Variants in ARHGAP12 observed in about 807,000 individuals in gnomAD.
The protein encoded by ARHGAP12 is rho GTPase-activating protein 12.
In ARHGAP12, 64 loss-of-function variants were observed where a neutral mutation model predicts 108.6. The ratio of observed to expected loss-of-function variants is 0.59; its 90% CI spans 0.48 to 0.73. The LOEUF is 0.73. Among genes scored for constraint, ARHGAP12 ranks in the 30% least tolerant of loss-of-function variants. The probability of loss-of-function intolerance (pLI) is 0.00; values close to 1 mark genes in which losing one functional copy is unlikely to be tolerated. For missense variants in ARHGAP12, 940 were observed against 1,005.9 expected, an observed-to-expected ratio of 0.93 and a Z score of 0.89; for synonymous variants, 312 against 337.2, an observed-to-expected ratio of 0.93 and a Z score of 0.82.
intron 3 of ARHGAP12, among the ~76,000 whole-genome samples, chr10:31,869,431 G>A (rs1837455856): frequency 6.6e-6 from 1 of 151,996 alleles, no homozygotes; most frequent in African/African-American, 2.4e-5. Flanking sequence ...CAGTTACTTG[G>A]GAGGCTGAGG....
chr10:31,906,857 A>G (rs1839153198), intron 3 of ARHGAP12, among the ~76,000 whole-genome samples: 1 of 152,124 alleles, frequency 6.6e-6, no homozygotes, highest in Admixed American at 6.6e-5. Context: ...TGTCTTTCCT[A>G]AGGCCCATTA....
chr10:31,866,751 G>A (rs1317633485), intron 3 of ARHGAP12, among the ~76,000 whole-genome samples: 1 of 152,092 alleles, frequency 6.6e-6, no homozygotes, highest in Non-Finnish European at 1.5e-5. Flanking sequence ...GAGTAGCTGG[G>A]ATTATAGGCG....
At chr10:31,891,005 T>G (rs1838404976) in intron 3 of ARHGAP12, among the ~76,000 whole-genome samples, 1 of 152,086 alleles carries the variant, frequency 6.6e-6, no homozygotes, top group Non-Finnish European at 1.5e-5. Context: ...AATAAACACC[T>G]CTATTAGCAG....
chr10:31,839,844 C>T, intron 7 of ARHGAP12, 133 bp from the exon 8 acceptor site: 1 of 539,894 alleles, frequency 1.9e-6, no homozygotes, highest in Non-Finnish European at 3.0e-6. Flanking sequence ...ATATTCAGCT[C>T]CAAGCTAATA....
chr10:31,888,316 A>G (rs907613922), intron 3 of ARHGAP12, among the ~76,000 whole-genome samples: 1 of 152,178 alleles, frequency 6.6e-6, no homozygotes, highest in African/African-American at 2.4e-5. Context: ...GTGGGGTCCA[A>G]TCATGCTCCT....
intron 15 of ARHGAP12, among the ~76,000 whole-genome samples, chr10:31,811,542 CT>C (rs34453459): frequency 0.48 from 65,506 of 135,846 alleles, 14,807 homozygotes; most frequent in Middle Eastern, 0.55. Flanking sequence ...ATTTGCCAGG[CT>C]TTTTTTTTTT....
intron 1 of ARHGAP12, among the ~76,000 whole-genome samples, chr10:31,928,263 C>T (rs1029757693): frequency 4.6e-5 from 7 of 151,438 alleles, no homozygotes; most frequent in African/African-American, 1.7e-4. Flanking sequence ...CGCACACACC[C>T]GCCTTGTGCA....
intron 1 of ARHGAP12, among the ~76,000 whole-genome samples, chr10:31,915,009 G>A (rs934343532): frequency 6.6e-5 from 10 of 152,202 alleles, no homozygotes; most frequent in African/African-American, 9.6e-5. Context: ...CCCAGTGGAC[G>A]TTACGTTGAA....
At chr10:31,853,729 A>G (rs761465412) in intron 5 of ARHGAP12, among the ~76,000 whole-genome samples, 2 of 152,242 alleles carry the variant, frequency 1.3e-5, no homozygotes, top group Non-Finnish European at 2.9e-5. Context: ...GATGTATGAT[A>G]ATGGCACAGA....
intron 6 of ARHGAP12, among the ~76,000 whole-genome samples, chr10:31,846,790 T>A (rs558183195): frequency 6.6e-6 from 1 of 152,084 alleles, no homozygotes; most frequent in African/African-American, 2.4e-5. Context: ...TCAAACTACT[T>A]CTTCAAAGTA....
rs538511575 is a variant in ARHGAP12 at position 31,880,907 on chromosome 10, A to G, written c.685-19249T>C. 5.3e-5 allele frequency among the ~76,000 whole-genome samples: 8 copies of G among 152,020 alleles called. No individual in the cohort carries two copies. The South Asian group carries it at 1.7e-3, about 32-fold the overall frequency. On this transcript the variant is annotated intron_variant, in intron 3 of 19. Coordinates refer to ENST00000344936, the MANE Select transcript of ARHGAP12 (RefSeq NM_018287.7). The stretch of plus-strand genomic sequence containing the variant: ...AAGCTTTGACTCTACCAAAAAAAAA[A>G]AAAAAATTAGCCAGGTGTGGTGGCA...
intron 3 of ARHGAP12, among the ~76,000 whole-genome samples, chr10:31,887,574 T>G (rs1430762379): frequency 3.9e-5 from 6 of 152,122 alleles, no homozygotes; most frequent in African/African-American, 1.4e-4. Context: ...ATCTTTGGCA[T>G]TAAGGACTTT....
At chr10:31,835,873 T>C (rs1361479616) in intron 9 of ARHGAP12, among the ~76,000 whole-genome samples, 1 of 152,104 alleles carries the variant, frequency 6.6e-6, no homozygotes, top group Non-Finnish European at 1.5e-5. Flanking sequence ...GGGAGTGACT[T>C]TTAATGGGTA....
intron 3 of ARHGAP12, among the ~76,000 whole-genome samples, chr10:31,883,642 G>A (rs1396237554): frequency 6.6e-6 from 1 of 151,560 alleles, no homozygotes; most frequent in African/African-American, 2.4e-5. Context: ...CACATTCAAG[G>A]TTTTCACAAC....
At chr10:31,870,610 TTG>T (rs1326117949) in intron 3 of ARHGAP12, among the ~76,000 whole-genome samples, 1 of 152,158 alleles carries the variant, frequency 6.6e-6, no homozygotes, top group African/African-American at 2.4e-5. Context: ...AAGCAAAAAT[TTG>T]TCAATGGGAC....
chr10:31,900,867 G>A (rs1314162220), intron 3 of ARHGAP12, among the ~76,000 whole-genome samples: 1 of 152,014 alleles, frequency 6.6e-6, no homozygotes, highest in African/African-American at 2.4e-5. Flanking sequence ...GAGGTGGGTC[G>A]GGAATTCCAG....
At chr10:31,912,724 T>C (rs1839402637) in intron 1 of ARHGAP12, among the ~76,000 whole-genome samples, 3 of 152,008 alleles carry the variant, frequency 2.0e-5, no homozygotes, top group African/African-American at 7.3e-5. Flanking sequence ...AGAGCTGAGA[T>C]AGATTTCTAG....
At chr10:31,922,919 G>C (rs1839878975) in intron 1 of ARHGAP12, among the ~76,000 whole-genome samples, 1 of 152,094 alleles carries the variant, frequency 6.6e-6, no homozygotes, top group Non-Finnish European at 1.5e-5. Context: ...CTTGAGGTCA[G>C]GAGTTCAAAA....
chr10:31,833,584 T>C (rs1345122830), intron 9 of ARHGAP12, among the ~76,000 whole-genome samples: 1 of 152,216 alleles, frequency 6.6e-6, no homozygotes, highest in African/African-American at 2.4e-5. Flanking sequence ...CAAGTACTAA[T>C]GCTCTATTAA....
Sources: gnomAD v4.1 joint callset for allele counts (sites outside exome capture counted in the v4.1 genomes callset) on GRCh38, gnomAD v4.1.1 for gene constraint, MANE v1.5 for transcripts, NCBI Gene and HGNC (gene_info 2026-07-23, HGNC 2026-07-21) for gene names.